Variants in TP53INP1 observed in about 807,000 individuals in gnomAD.
TP53INP1 encodes the protein tumor protein p53 inducible nuclear protein 1, also known as tumor protein p53-inducible nuclear protein 1.
TP53INP1 carries 12 observed loss-of-function variants against 21.0 expected under a neutral mutation model. The ratio of observed to expected loss-of-function variants is 0.57; its 90% CI spans 0.37 to 0.93. TP53INP1 has a LOEUF of 0.93. Among genes scored for constraint, TP53INP1 ranks in the 40% least tolerant of loss-of-function variants. The probability of loss-of-function intolerance (pLI) is 0.01; values close to 1 mark genes in which losing one functional copy is unlikely to be tolerated. For synonymous variants in TP53INP1, 91 were observed against 94.8 expected (o/e 0.96, Z 0.23); for missense variants, 274 against 294.7 (o/e 0.93, Z 0.51).
chr8:94,940,129 A>C lies in TP53INP1; in HGVS notation c.204T>G (p.Cys68Trp). 1.2e-6 allele frequency: 2 copies of C among 1,614,214 alleles called. No homozygotes were observed. Among genetic ancestry groups the C allele is most frequent in the Non-Finnish European group, 1.7e-6 (2 of 1,180,036 alleles). The change falls in exon 3 of 4, where the codon TGT becomes TGG. Residue 68 changes from cysteine to tryptophan, a missense_variant. By Grantham distance (215) the Cys-to-Trp change is radical. Coordinates refer to ENST00000342697, the MANE Select transcript of TP53INP1 (RefSeq NM_033285.4). ...CCAAGCACTCAAGAGATGCCGGTAAACAGGAAAAGACTGAAGGGTGCTCAG... is the reference window on the plus strand; with the variant it reads ...CCAAGCACTCAAGAGATGCCGGTAACCAGGAAAAGACTGAAGGGTGCTCAG... ...SPTEHPSVFS[C>W]LPASLECLAD... is the part of the protein sequence containing the mutation.
intron 3 of TP53INP1, among the ~76,000 whole-genome samples, chr8:94,934,781 C>G (rs1371781885): frequency 6.6e-6 from 1 of 152,082 alleles, no homozygotes; most frequent in Non-Finnish European, 1.5e-5. Flanking sequence ...GCAATTAAAT[C>G]AATAGCAACT....
At chr8:94,937,774 T>C (rs1215494493) in intron 3 of TP53INP1, among the ~76,000 whole-genome samples, 3 of 152,184 alleles carry the variant, frequency 2.0e-5, no homozygotes, top group Non-Finnish European at 4.4e-5. Flanking sequence ...CTAAGGGTCT[T>C]ATGGGGGTTA....
intron 3 of TP53INP1, among the ~76,000 whole-genome samples, chr8:94,937,717 C>T (rs750225183): frequency 6.6e-6 from 1 of 152,102 alleles, no homozygotes; most frequent in Non-Finnish European, 1.5e-5. Flanking sequence ...GGGATGGTTC[C>T]TGAGCAAGAA....
chr8:94,945,974 T>TA (rs896631406), intron 1 of TP53INP1, among the ~76,000 whole-genome samples: 2 of 152,144 alleles, frequency 1.3e-5, no homozygotes, highest in African/African-American at 4.8e-5. Flanking sequence ...TCCCTCCCTT[T>TA]AAAAAATAAA....
At chr8:94,942,739 C>G (rs977533435) in intron 1 of TP53INP1, among the ~76,000 whole-genome samples, 12 of 152,144 alleles carry the variant, frequency 7.9e-5, no homozygotes, top group Admixed American at 1.3e-4. Context: ...TGGGTGGACT[C>G]CTGCAATGAC....
chr8:94,943,550 C>CG (rs763867986), intron 1 of TP53INP1, among the ~76,000 whole-genome samples: 31 of 152,238 alleles, frequency 2.0e-4, no homozygotes, highest in Non-Finnish European at 2.9e-4. Context: ...CACTAATCAC[C>CG]ACCTCTTTTT....
At chr8:94,939,013 T>C (rs1261746634) in intron 3 of TP53INP1, among the ~76,000 whole-genome samples, 2 of 152,138 alleles carry the variant, frequency 1.3e-5, no homozygotes, top group Non-Finnish European at 2.9e-5. Flanking sequence ...CAGAGGACAC[T>C]AGAGGGTGTC....
intron 3 of TP53INP1, among the ~76,000 whole-genome samples, chr8:94,937,455 A>C (rs918206458): frequency 6.6e-5 from 10 of 151,346 alleles, no homozygotes; most frequent in Non-Finnish European, 1.3e-4. Flanking sequence ...AAAAAAAAAA[A>C]CCCAAAAACA....
chr8:94,948,008 C>A (rs1162305265), intron 1 of TP53INP1, among the ~76,000 whole-genome samples: 1 of 152,188 alleles, frequency 6.6e-6, no homozygotes, highest in Non-Finnish European at 1.5e-5. Context: ...GACTTCTGTT[C>A]AGTGACCCCA....
At chr8:94,938,016 A>G (rs1231628467) in intron 3 of TP53INP1, among the ~76,000 whole-genome samples, 1 of 152,236 alleles carries the variant, frequency 6.6e-6, no homozygotes, top group Non-Finnish European at 1.5e-5. Flanking sequence ...AATGAAGAGA[A>G]AGAAGATAAA....
At chr8:94,934,665 C>CCACT (rs1455089488) in intron 3 of TP53INP1, among the ~76,000 whole-genome samples, 1 of 152,140 alleles carries the variant, frequency 6.6e-6, no homozygotes, top group Admixed American at 6.6e-5. Flanking sequence ...CAGGTGTAAG[C>CCACT]CACTGCACCT....
intron 1 of TP53INP1, among the ~76,000 whole-genome samples, chr8:94,941,481 A>C (rs2131371559): frequency 6.6e-6 from 1 of 152,330 alleles, no homozygotes; most frequent in Middle Eastern, 3.4e-3. Flanking sequence ...GGTGACCACC[A>C]TTATGCCAGG....
intron 1 of TP53INP1, among the ~76,000 whole-genome samples, chr8:94,945,881 A>G (rs1345441571): frequency 6.6e-6 from 1 of 152,286 alleles, no homozygotes; most frequent in African/African-American, 2.4e-5. Flanking sequence ...ACCCCTCAAT[A>G]CAGAAAAGAA....
In TP53INP1 at chr8:94,930,524, A is replaced by G. The variant is rs376629542; in HGVS notation, c.678T>C (p.Asn226=). The G allele has an allele frequency of 3.2e-5, 52 of 1,614,236 alleles. No individual in the cohort carries two copies. In the African/African-American group the frequency reaches 6.0e-4, roughly 19 times the overall value. ...GGCAGGGCTGATGAACAACCCAGCC[A>G]TTGTGCTTGACTTGCCGAGGGTGGC... ...RDCHPRQVKH[N]GWVVHQPCPR... The change falls in exon 4 of 4, where the codon AAT becomes AAC. Residue 226 remains asparagine (N), a synonymous_variant. Transcript: ENST00000342697.
chr8:94,937,604 A>G (rs778209849), intron 3 of TP53INP1, among the ~76,000 whole-genome samples: 6 of 152,190 alleles, frequency 3.9e-5, no homozygotes, highest in Middle Eastern at 3.2e-3. Context: ...GTATGCTAGT[A>G]TAATGACTTT....
intron 3 of TP53INP1, among the ~76,000 whole-genome samples, chr8:94,931,605 C>CATATAT (rs141760825): frequency 0.32 from 47,085 of 149,010 alleles, 7,978 homozygotes; most frequent in Non-Finnish European, 0.38. Flanking sequence ...CACACACACA[C>CATATAT]ACACATAAAA....
chr8:94,931,661 G>GA (rs1442562267), intron 3 of TP53INP1, among the ~76,000 whole-genome samples: 1 of 151,728 alleles, frequency 6.6e-6, no homozygotes, highest in East Asian at 1.9e-4. Flanking sequence ...GAAACTAATA[G>GA]AAAAAAGTTA....
Position 94,928,983 on chromosome 8 carries a change from T to C in TP53INP1, c.*1496A>G, listed in dbSNP as rs1362612365. 6.6e-6 allele frequency: 1 copy of C among 152,654 alleles called. No individual in the cohort carries two copies. Among genetic ancestry groups the C allele is most frequent in the East Asian group, 1.9e-4 (1 of 5,200 alleles). 9.5% of individuals were successfully genotyped at this position (152,654 alleles called of 1,614,324 possible). ...GCTTTGGATTGTAAATATGTTTACT[T>C]CAGAGGAAATCAGTCAGAGTGGATG... On this transcript the variant is annotated 3_prime_UTR_variant, in exon 4 of 4. Coordinates refer to ENST00000342697, the MANE Select transcript of TP53INP1 (RefSeq NM_033285.4).
Position 94,930,337 on chromosome 8 carries a change from A to G in TP53INP1, c.*142T>C. 1.7e-6 allele frequency: 2 copies of G among 1,193,498 alleles called. No homozygotes were observed. Among genetic ancestry groups the G allele is most frequent in the South Asian group, 3.1e-5 (2 of 65,136 alleles). 73.9% of individuals were successfully genotyped at this position (1,193,498 alleles called of 1,614,324 possible). ...ACACAGCATATAAATCTGATTTTCA[A>G]GATAGTGTCTAAATACACTGATAAA... On this transcript the variant is annotated 3_prime_UTR_variant, in exon 4 of 4. Coordinates refer to ENST00000342697, the MANE Select transcript of TP53INP1 (RefSeq NM_033285.4).
Sources: gnomAD v4.1 joint callset for allele counts (sites outside exome capture counted in the v4.1 genomes callset) on GRCh38, gnomAD v4.1.1 for gene constraint, MANE v1.5 for transcripts, NCBI Gene and HGNC (gene_info 2026-07-23, HGNC 2026-07-21) for gene names.